Variants in XNDC1N observed in about 807,000 individuals in gnomAD.
The protein encoded by XNDC1N is XRCC1 N-terminal domain containing 1, N-terminal like, also known as protein XNDC1N.
At chr11:71,878,878 T>C in the XNDC1N span, among the ~76,000 whole-genome samples, 2 of 151,458 alleles carry the variant, frequency 1.3e-5, no homozygotes, top group African/African-American at 4.9e-5. Flanking sequence ...CGCGTGCCTG[T>C]GGTTCTGGCT....
the XNDC1N span, among the ~76,000 whole-genome samples, chr11:71,897,498 T>C: frequency 6.6e-6 from 1 of 152,134 alleles, no homozygotes; most frequent in African/African-American, 2.4e-5. Flanking sequence ...TCACTCATCA[T>C]AGGGAAGCAC....
At chr11:71,925,704 G>A in the XNDC1N span, among the ~76,000 whole-genome samples, 4 of 151,836 alleles carry the variant, frequency 2.6e-5, no homozygotes, top group Admixed American at 6.6e-5. Flanking sequence ...TGAGGTGGGC[G>A]GATCACGAGG....
At chr11:71,928,252 A>T in the XNDC1N span, 1 of 560,188 alleles carries the variant, frequency 1.8e-6, no homozygotes, top group Admixed American at 3.2e-5. Context: ...CTCAAGCCGC[A>T]CCGCTGCTTT....
chr11:71,894,715 C>A, the XNDC1N span, among the ~76,000 whole-genome samples: 1 of 152,214 alleles, frequency 6.6e-6, no homozygotes, highest in African/African-American at 2.4e-5. Context: ...GAAGTCCTCA[C>A]TTCGTTTTGG....
the XNDC1N span, among the ~76,000 whole-genome samples, chr11:71,911,031 A>G: frequency 3.9e-5 from 6 of 152,214 alleles, no homozygotes; most frequent in Non-Finnish European, 7.3e-5. Context: ...TTGAACCCAA[A>G]CTGTGGGGCC....
the XNDC1N span, among the ~76,000 whole-genome samples, chr11:71,898,861 T>A: frequency 6.6e-6 from 1 of 152,190 alleles, no homozygotes; most frequent in African/African-American, 2.4e-5. Context: ...ATGGAAACTG[T>A]AAATGTTTAT....
chr11:71,928,400 C>G, the XNDC1N span: 1 of 690,922 alleles, frequency 1.4e-6, no homozygotes, highest in Non-Finnish European at 2.6e-6. Context: ...ACCGTTGCCT[C>G]GGATCTCGGA....
At chr11:71,919,426 T>C in the XNDC1N span, among the ~76,000 whole-genome samples, 339 of 150,484 alleles carry the variant, frequency 2.3e-3, no homozygotes, top group South Asian at 0.01. Context: ...TCTTGCTCTG[T>C]CGCCCAGGCT....
the XNDC1N span, among the ~76,000 whole-genome samples, chr11:71,878,843 A>G: frequency 6.6e-6 from 1 of 151,280 alleles, no homozygotes; most frequent in East Asian, 1.9e-4. Context: ...AAAAAAAAAT[A>G]CAAAAAATTA....
the XNDC1N span, among the ~76,000 whole-genome samples, chr11:71,899,423 C>T: frequency 1.3e-5 from 2 of 152,088 alleles, no homozygotes; most frequent in African/African-American, 4.8e-5. Context: ...AAAGGAAAGA[C>T]ATAAAAGACT....
chr11:71,917,858 C>CCTT, the XNDC1N span: 1 of 660,684 alleles, frequency 1.5e-6, no homozygotes, highest in Non-Finnish European at 2.7e-6. Flanking sequence ...GGACACTCCT[C>CCTT]TACTTTACAG....
At chr11:71,885,363 G>C in the XNDC1N span, among the ~76,000 whole-genome samples, 1 of 152,076 alleles carries the variant, frequency 6.6e-6, no homozygotes, top group South Asian at 2.1e-4. Flanking sequence ...CATATATATA[G>C]TCCTATCAGC....
chr11:71,874,491 C>G, the XNDC1N span, among the ~76,000 whole-genome samples: 2 of 152,048 alleles, frequency 1.3e-5, no homozygotes, highest in African/African-American at 4.8e-5. Flanking sequence ...GAGAGCAAGA[C>G]TAAGGGGAGT....
At chr11:71,878,541 C>T in the XNDC1N span, 1 of 1,598,602 alleles carries the variant, frequency 6.3e-7, no homozygotes, top group South Asian at 1.1e-5. Flanking sequence ...TTCCAAAGTT[C>T]TAAAAATATA....
At chr11:71,882,385 C>T in the XNDC1N span, among the ~76,000 whole-genome samples, 2 of 152,090 alleles carry the variant, frequency 1.3e-5, no homozygotes, top group African/African-American at 2.4e-5. Context: ...CCAGCCACCA[C>T]CACGCCTGGC....
At chr11:71,915,490 T>G in the XNDC1N span, among the ~76,000 whole-genome samples, 370 of 150,592 alleles carry the variant, frequency 2.5e-3, no homozygotes, top group Middle Eastern at 0.01. Context: ...TCACTGAAGG[T>G]TCAGAAAATT....
At chr11:71,916,497 C>T in the XNDC1N span, 59 of 477,108 alleles carry the variant, frequency 1.2e-4, no homozygotes, top group African/African-American at 1.0e-3. Context: ...CACAGTTCCA[C>T]ACTATTCTCA....
the XNDC1N span, among the ~76,000 whole-genome samples, chr11:71,897,249 C>A: frequency 6.6e-6 from 1 of 152,180 alleles, no homozygotes; most frequent in African/African-American, 2.4e-5. Context: ...AAATGACAGA[C>A]ACTTTTGTGC....
chr11:71,908,951 A>G, the XNDC1N span, among the ~76,000 whole-genome samples: 14 of 152,322 alleles, frequency 9.2e-5, no homozygotes, highest in South Asian at 1.7e-3. Context: ...TCCTGGAAGG[A>G]TTAATGAGGG....
Sources: allele counts gnomAD v4.1 joint callset (sites outside exome capture counted in the v4.1 genomes callset), GRCh38; gene constraint gnomAD v4.1.1; transcripts MANE v1.5; gene names NCBI Gene and HGNC (gene_info 2026-07-23, HGNC 2026-07-21).